Variants in ZNF718 observed in about 807,000 individuals in gnomAD.
The protein encoded by ZNF718 is zinc finger protein 718.
Under a neutral mutation model 2.6 loss-of-function variants are expected in ZNF718, and 3 were observed. The observed-to-expected ratio is 1.16, with a 90% CI of 0.53 to 3.01. ZNF718 has a LOEUF of 3.01. Among genes scored for constraint, ZNF718 ranks in the 30% most tolerant of loss-of-function variants. ZNF718 has a pLI of 0.03. For synonymous variants in ZNF718, 135 were observed against 77.9 expected (o/e 1.73, Z -3.86); for missense variants, 468 against 230.0 (o/e 2.03, Z -6.69).
chr4:188,289 TAA>T (rs1208994909), intron 3 of ZNF718, among the ~76,000 whole-genome samples: 1 of 152,168 alleles, frequency 6.6e-6, no homozygotes, highest in Non-Finnish European at 1.5e-5. Flanking sequence ...CATATCTTGG[TAA>T]AACAGCTGTG....
chr4:137,500 A>C (rs1240980250), intron 3 of ZNF718, among the ~76,000 whole-genome samples: 1 of 152,080 alleles, frequency 6.6e-6, no homozygotes, highest in Non-Finnish European at 1.5e-5. Flanking sequence ...ATTCATCTAC[A>C]TTGTTGACAT....
chr4:157,103 CTTTTTTTTTTTTTTTTTTTT>C (rs199814257), intron 3 of ZNF718, among the ~76,000 whole-genome samples: 2 of 103,150 alleles, frequency 1.9e-5, no homozygotes. Flanking sequence ...TTCTTTCTTT[CTTTTTTTTTTTTTTTTTTTT>C]TTTTTTTTCA....
intron 3 of ZNF718, among the ~76,000 whole-genome samples, chr4:160,299 G>A (rs1175717816): frequency 1.3e-5 from 2 of 152,112 alleles, no homozygotes; most frequent in Non-Finnish European, 1.5e-5. Flanking sequence ...AGCTGCAGTG[G>A]GTAAATGTAA....
downstream of ZNF718, among the ~76,000 whole-genome samples, chr4:165,244 G>A (rs141321231): frequency 0.021 from 3,220 of 152,198 alleles, 78 homozygotes; most frequent in African/African-American, 0.054. Context: ...TTTAAGTGGG[G>A]TGTTTGAGGG....
intron 3 of ZNF718, among the ~76,000 whole-genome samples, chr4:190,350 G>A (rs1717666554): frequency 6.6e-6 from 1 of 150,898 alleles, no homozygotes. Context: ...GAATGGTGTG[G>A]ACCCGGGAAG....
At chr4:192,879 A>C (rs1429950861) in intron 3 of ZNF718, among the ~76,000 whole-genome samples, 2 of 152,204 alleles carry the variant, frequency 1.3e-5, no homozygotes, top group Non-Finnish European at 2.9e-5. Flanking sequence ...TTTCTTCAGC[A>C]CACTTCACAG....
At chr4:137,794 A>C (rs1715637664) in intron 3 of ZNF718, among the ~76,000 whole-genome samples, 1 of 151,666 alleles carries the variant, frequency 6.6e-6, no homozygotes. Context: ...GTTTATTTTA[A>C]TGTTCAGAGA....
intron 3 of ZNF718, among the ~76,000 whole-genome samples, chr4:149,168 T>TA (rs1440564685): frequency 1.3e-5 from 2 of 152,216 alleles, no homozygotes; most frequent in Non-Finnish European, 2.9e-5. Flanking sequence ...TATGCCAAAT[T>TA]ATCTGATTTC....
chr4:126,966 C>A (rs1553808178), intron 1 of ZNF718, among the ~76,000 whole-genome samples: 1 of 152,084 alleles, frequency 6.6e-6, no homozygotes, highest in African/African-American at 2.4e-5. Flanking sequence ...GTTGGGATTA[C>A]AGGCGCGCCA....
intron 3 of ZNF718, among the ~76,000 whole-genome samples, chr4:158,851 C>T (rs1393126398): frequency 6.9e-6 from 1 of 145,124 alleles, no homozygotes; most frequent in Non-Finnish European, 1.5e-5. Context: ...GTTTTGTTTT[C>T]TTGCATTATG....
intron 3 of ZNF718, among the ~76,000 whole-genome samples, chr4:146,552 GC>G (rs1553811384): frequency 6.6e-6 from 1 of 151,912 alleles, no homozygotes; most frequent in East Asian, 1.9e-4. Flanking sequence ...GATATTTTGA[GC>G]CTCATAAAAC....
downstream of ZNF718, among the ~76,000 whole-genome samples, chr4:168,722 A>G (rs868959435): frequency 6.6e-6 from 1 of 151,568 alleles, no homozygotes; most frequent in African/African-American, 2.4e-5. Context: ...TTTTTATTGC[A>G]TCTATTTGAT....
intron 1 of ZNF718, 109 bp downstream of exon 1, chr4:124,782 G>A (rs1460295583): frequency 1.4e-6 from 2 of 1,469,420 alleles, no homozygotes; most frequent in South Asian, 2.5e-5. Context: ...TCAGCCCTCT[G>A]TCCTCAGTCC....
chr4:136,275 C>T (rs547329663), intron 3 of ZNF718: 4 of 459,122 alleles, frequency 8.7e-6, no homozygotes, highest in Admixed American at 2.4e-5. Flanking sequence ...TGAGTGTGTA[C>T]AACTGGCCAT....
intron 3 of ZNF718, among the ~76,000 whole-genome samples, chr4:147,058 C>T (rs1716098737): frequency 6.6e-6 from 1 of 152,166 alleles, no homozygotes; most frequent in African/African-American, 2.4e-5. Context: ...GCAACCTTCA[C>T]ACTCCAGATT....
chr4:165,499 C>A (rs544680531), downstream of ZNF718, among the ~76,000 whole-genome samples: 6 of 152,268 alleles, frequency 3.9e-5, no homozygotes, highest in South Asian at 2.1e-4. Context: ...AAGAAAATGT[C>A]TTAGAAATTA....
chr4:134,626 C>T (rs1715479307), intron 3 of ZNF718, among the ~76,000 whole-genome samples: 1 of 152,020 alleles, frequency 6.6e-6, no homozygotes, highest in Admixed American at 6.5e-5. Context: ...ACTGAAATTT[C>T]TGTCATTAAC....
intron 3 of ZNF718, among the ~76,000 whole-genome samples, chr4:173,913 T>C (rs904448148): frequency 1.3e-5 from 2 of 152,204 alleles, no homozygotes; most frequent in Admixed American, 6.5e-5. Context: ...TGAATAGCCA[T>C]TGATGCTCGC....
downstream of ZNF718, among the ~76,000 whole-genome samples, chr4:165,489 A>C (rs1717065511): frequency 1.3e-5 from 2 of 152,182 alleles, no homozygotes; most frequent in South Asian, 4.1e-4. Context: ...AATCTCTTAG[A>C]AGAAAATGTC....
Sources: gnomAD v4.1 joint callset for allele counts (sites outside exome capture counted in the v4.1 genomes callset) on GRCh38, gnomAD v4.1.1 for gene constraint, MANE v1.5 for transcripts, NCBI Gene and HGNC (gene_info 2026-07-23, HGNC 2026-07-21) for gene names.